The following MAP3K3 variants were observed in gnomAD, a reference collection of about 807,000 sequenced individuals.
MAP3K3 encodes the protein MAP/ERK kinase kinase 3.
In MAP3K3, 12 loss-of-function variants were observed where a neutral mutation model predicts 80.9. The observed-to-expected ratio is 0.15, with a 90% CI of 0.10 to 0.24. MAP3K3 has a LOEUF of 0.24. Ranked by LOEUF, MAP3K3 falls within the 10% of genes least tolerant of loss-of-function variation. MAP3K3 has a pLI of 1.00. For synonymous variants in MAP3K3, 272 were observed against 307.1 expected, an observed-to-expected ratio of 0.89 and a Z score of 1.19; for missense variants, 596 against 834.7, an observed-to-expected ratio of 0.71 and a Z score of 3.52.
rs753104643 is a variant in MAP3K3 at position 63,690,584 on chromosome 17, A to G, written c.1212+172A>G. The G allele has an allele frequency of 1.2e-4, 85 of 688,326 alleles. 1 individual carries two copies. Among genetic ancestry groups the G allele is most frequent in the South Asian group, 5.9e-4 (31 of 52,168 alleles). The allele number at this position is 688,326 out of a possible 1,614,324, so 42.6% of individuals were successfully genotyped here. On this transcript the variant is annotated intron_variant, in intron 12 of 15. Coordinates refer to ENST00000361733, the MANE Select transcript of MAP3K3 (RefSeq NM_002401.5). ...ACAGGGTGAAAGGACTGTGGTCTGAAGAGCACCAAGCACCTGGAGGGGAGG... is the reference window on the plus strand; with the variant it reads ...ACAGGGTGAAAGGACTGTGGTCTGAGGAGCACCAAGCACCTGGAGGGGAGG...
rs1449718951 is a variant in MAP3K3, at chr17:63,694,568, G to A, written c.*791G>A. On this transcript the variant is annotated 3_prime_UTR_variant, in exon 16 of 16. Transcript: ENST00000361733. ...AGACTGTGTGTGCCCTCTGGGCTCT[G>A]AGTACCCCTGCTTTGGGCTTGGGCC... 6.5e-6 allele frequency: 1 copy of A among 152,774 alleles called. No homozygotes were observed. Among genetic ancestry groups the A allele is most frequent in the African/African-American group, 2.4e-5 (1 of 41,480 alleles). 9.5% of individuals were successfully genotyped at this position (152,774 alleles called of 1,614,324 possible). A position where few individuals can be genotyped will look rare whatever the true frequency, so the allele number is the denominator to read the frequency against.
intron 6 of MAP3K3, among the ~76,000 whole-genome samples, chr17:63,680,899 A>T (rs2035318547): frequency 6.6e-6 from 1 of 151,766 alleles, no homozygotes; most frequent in South Asian, 2.1e-4. Context: ...TGAAAGGATT[A>T]AGTGAAGTAA....
chr17:63,645,302 C>CA (rs397959129), intron 2 of MAP3K3, among the ~76,000 whole-genome samples: 143 of 140,558 alleles, frequency 1.0e-3, no homozygotes, highest in Middle Eastern at 3.6e-3. Flanking sequence ...CACTCCGTCT[C>CA]AAAAAAAAAA....
chr17:63,623,162 TG>T (rs2034028911), intron 1 of MAP3K3, among the ~76,000 whole-genome samples: 1 of 152,002 alleles, frequency 6.6e-6, no homozygotes, highest in Non-Finnish European at 1.5e-5. Context: ...CAGCTGCTGT[TG>T]TGTCTTTTCC....
intron 3 of MAP3K3, among the ~76,000 whole-genome samples, chr17:63,649,431 CAAAAA>C (rs1264323299): frequency 1.2e-5 from 1 of 85,714 alleles, no homozygotes. Flanking sequence ...GACTCCATCT[CAAAAA>C]AAAAAAAAAA....
rs1254542155 is a variant in MAP3K3, at chr17:63,691,369, G to T, written c.1344+136G>T. The T allele has an allele frequency of 1.6e-6, 2 of 1,238,910 alleles. No homozygotes were observed. The highest frequency in any genetic ancestry group is 2.3e-6 in the Non-Finnish European group (2 of 879,092). The allele number at this position is 1,238,910 out of a possible 1,614,324, so 76.7% of individuals were successfully genotyped here. A position where few individuals can be genotyped will look rare whatever the true frequency, so the allele number is the denominator to read the frequency against. On this transcript the variant is annotated intron_variant, in intron 13 of 15. Coordinates refer to ENST00000361733, the MANE Select transcript of MAP3K3 (RefSeq NM_002401.5). The surrounding 1 kb of genome is among the most constrained non-coding windows in gnomAD (Gnocchi z 4.8). ...CCAGAGGCCCAGAGGAGCAAAGTGA[G>T]GTGATGGTGGGACTTGGAGTCAGGA...
intron 3 of MAP3K3, among the ~76,000 whole-genome samples, chr17:63,647,274 T>C (rs1229379199): frequency 1.3e-5 from 2 of 152,186 alleles, no homozygotes; most frequent in Non-Finnish European, 2.9e-5. Flanking sequence ...AGGTCTGAGC[T>C]CTGTCCCCAG....
At chr17:63,675,043 C>T (rs2035188842) in intron 6 of MAP3K3, among the ~76,000 whole-genome samples, 1 of 152,100 alleles carries the variant, frequency 6.6e-6, no homozygotes, top group Non-Finnish European at 1.5e-5. Flanking sequence ...CTTTCATCTT[C>T]AAAGGTTTTT....
chr17:63,636,772 A>G (rs537410049), intron 2 of MAP3K3: 6 of 323,314 alleles, frequency 1.9e-5, no homozygotes, highest in Admixed American at 3.8e-5. Flanking sequence ...GGAGGAAGAC[A>G]AGGAGGCAGC....
At chr17:63,654,310 A>G (rs1043354794) in intron 4 of MAP3K3, among the ~76,000 whole-genome samples, 6 of 87,986 alleles carry the variant, frequency 6.8e-5, no homozygotes, top group African/African-American at 2.1e-4. Flanking sequence ...GTGTAGTGCA[A>G]TCATACAGTA....
chr17:63,625,128 T>C (rs1464473583), intron 1 of MAP3K3, among the ~76,000 whole-genome samples: 1 of 152,230 alleles, frequency 6.6e-6, no homozygotes, highest in Non-Finnish European at 1.5e-5. Flanking sequence ...TGCAGGTTCT[T>C]TGGTTAAGTA....
rs2143637777 is a variant in MAP3K3, at chr17:63,692,257, G to A, written c.1490G>A (p.Arg497Gln). Residue 497 changes from arginine to glutamine, a missense_variant, in exon 15 of 16, where the codon CGA (arginine) becomes CAA (glutamine). Around this residue, in one of 2 missense-constraint regions of MAP3K3, gnomAD observed 364 missense variants for 588.9 expected, o/e 0.62. Transcript: ENST00000361733. This position sits in a 1 kb window ranked among gnomAD's most constrained non-coding sequence, Gnocchi z 4.5. ...HRDIKGANILRDSAGNVKLGD... is the reference protein window; with the variant it reads ...HRDIKGANILQDSAGNVKLGD... ...CATGCCTCAGGAGCCAACATCCTCC[G>A]AGACTCTGCTGGGAATGTAAAGCTG... 2 of 1,613,972 alleles carry A rather than the reference G, an allele frequency of 1.2e-6. No homozygotes were observed. The highest frequency in any genetic ancestry group is 1.7e-6 in the Non-Finnish European group (2 of 1,180,006).
At chr17:63,677,869 C>A (rs1206268797) in intron 6 of MAP3K3, among the ~76,000 whole-genome samples, 2 of 152,148 alleles carry the variant, frequency 1.3e-5, no homozygotes, top group Non-Finnish European at 2.9e-5. Context: ...ACTGTGCTTC[C>A]CCTGTGCTGC....
At chr17:63,660,841 C>T (rs1001648269) in intron 5 of MAP3K3, among the ~76,000 whole-genome samples, 2 of 152,098 alleles carry the variant, frequency 1.3e-5, no homozygotes, top group African/African-American at 4.8e-5. Context: ...GGTGATCCGC[C>T]TGTCTCGGCC....
In MAP3K3 at chr17:63,632,713, G is replaced by T; in HGVS notation, c.37G>T (p.Asp13Tyr). 1 of 1,614,046 alleles carries T rather than the reference G, an allele frequency of 6.2e-7. No individual in the cohort carries two copies. ...GGAGGCATTGAACTCAATCATGAACGATCTGGTGGCCCTCCAGATGAACCG... is the reference window on the plus strand; with the variant it reads ...GGAGGCATTGAACTCAATCATGAACTATCTGGTGGCCCTCCAGATGAACCG... ...EQEALNSIMN[D>Y]LVALQMNRRH... The change falls in exon 2 of 16, where the codon GAT becomes TAT. Residue 13 changes from aspartate (D) to tyrosine (Y), a missense_variant. Around this residue, in one of 2 missense-constraint regions of MAP3K3, gnomAD observed 232 missense variants for 245.8 expected, o/e 0.94. Transcript: ENST00000361733.
chr17:63,671,399 G>A (rs2035106082), intron 6 of MAP3K3, among the ~76,000 whole-genome samples: 1 of 151,906 alleles, frequency 6.6e-6, no homozygotes, highest in African/African-American at 2.4e-5. Flanking sequence ...GGGACTACAG[G>A]CATGCGCCAC....
intron 7 of MAP3K3, among the ~76,000 whole-genome samples, chr17:63,684,527 T>G (rs959609347): frequency 2.0e-5 from 3 of 152,208 alleles, no homozygotes; most frequent in Non-Finnish European, 4.4e-5. Flanking sequence ...GCATTTGAAA[T>G]TATGGGTGGG....
In MAP3K3 at chr17:63,690,590, C is replaced by A; in HGVS notation, c.1212+178C>A. On this transcript the variant is annotated intron_variant, in intron 12 of 15. Transcript: ENST00000361733. ...TGAAAGGACTGTGGTCTGAAGAGCA[C>A]CAAGCACCTGGAGGGGAGGGATTGG... is the stretch of plus-strand genomic sequence containing the variant. 4.5e-6 allele frequency: 3 copies of A among 660,990 alleles called. No individual in the cohort carries two copies. In the Admixed American group the frequency reaches 9.3e-5, roughly 20 times the overall value. 40.9% of individuals were successfully genotyped at this position (660,990 alleles called of 1,614,324 possible).
chr17:63,671,008 A>G (rs755581457), intron 6 of MAP3K3, among the ~76,000 whole-genome samples: 11 of 152,156 alleles, frequency 7.2e-5, no homozygotes, highest in Non-Finnish European at 1.3e-4. Flanking sequence ...TGATCTGGCT[A>G]CAGTGTGGAT....
Sources: allele counts gnomAD v4.1 joint callset (sites outside exome capture counted in the v4.1 genomes callset), GRCh38; gene constraint gnomAD v4.1.1; regional missense constraint gnomAD v4.1.1; non-coding constraint Gnocchi (gnomAD v3.1); transcripts MANE v1.5; gene names NCBI Gene and HGNC (gene_info 2026-07-23, HGNC 2026-07-21).